Variants in SAP130 observed in about 807,000 individuals in gnomAD.
SAP130 encodes histone deacetylase complex subunit SAP130.
Under a neutral mutation model 103.2 loss-of-function variants are expected in SAP130, and 16 were observed. The observed-to-expected ratio is 0.16, with a 90% CI of 0.10 to 0.24. SAP130 has a LOEUF of 0.24. SAP130 is among the 10% of genes least tolerant of loss of function. The pLI, the probability that SAP130 is intolerant of heterozygous loss-of-function variation, is 1.00. For missense variants in SAP130, 990 were observed against 1,359.7 expected (o/e 0.73, Z 4.28); for synonymous variants, 477 against 497.0 (o/e 0.96, Z 0.53).
At chr2:127,968,929 C>T (rs1224844910) in intron 15 of SAP130, among the ~76,000 whole-genome samples, 3 of 152,218 alleles carry the variant, frequency 2.0e-5, no homozygotes, top group Admixed American at 6.5e-5. Context: ...TGAAATCTTT[C>T]AGTACAGCTA....
chr2:127,970,925 T>C (rs1286871630), intron 15 of SAP130, among the ~76,000 whole-genome samples: 1 of 152,078 alleles, frequency 6.6e-6, no homozygotes, highest in East Asian at 1.9e-4. Flanking sequence ...TATCACGATA[T>C]GCTCTGTATG....
chr2:127,966,661 C>T (rs1305296536), intron 15 of SAP130, among the ~76,000 whole-genome samples: 1 of 151,830 alleles, frequency 6.6e-6, no homozygotes, highest in Non-Finnish European at 1.5e-5. Flanking sequence ...TGAGACTGCG[C>T]CACTGCACTC....
chr2:128,009,194 A>G (rs947797916), intron 7 of SAP130, among the ~76,000 whole-genome samples: 6 of 152,160 alleles, frequency 3.9e-5, no homozygotes, highest in Admixed American at 3.9e-4. Context: ...ACCCAGGGCC[A>G]GGTGTGGTGG....
chr2:127,959,969 C>T (rs1381407228), intron 15 of SAP130, among the ~76,000 whole-genome samples: 2 of 152,164 alleles, frequency 1.3e-5, no homozygotes, highest in Non-Finnish European at 2.9e-5. Flanking sequence ...TTGAGCACTA[C>T]AGCCTCCAAC....
At chr2:127,945,432 A>C in intron 19 of SAP130, 24 bp downstream of exon 19, 2 of 1,414,074 alleles carry the variant, frequency 1.4e-6, no homozygotes, top group South Asian at 2.3e-5. Flanking sequence ...CAGCATGATG[A>C]ACAACTGCTA....
intron 2 of SAP130, among the ~76,000 whole-genome samples, chr2:128,019,228 G>A (rs895490781): frequency 1.3e-5 from 2 of 151,990 alleles, no homozygotes; most frequent in South Asian, 4.2e-4. Flanking sequence ...TTGGTGTTTT[G>A]GTCTACCAGA....
rs1018365286 is a variant in SAP130, at chr2:127,953,406, A to T, written c.2422+1580T>A. ...TCTCCCCGATTCCATCCCTGTTCCC[A>T]GAGTCTGTTCTTTCCCCAGCAGCCA... On this transcript the variant is annotated intron_variant, in intron 16 of 20. Transcript: ENST00000643581. This position sits in a 1 kb window ranked among gnomAD's most constrained non-coding sequence, Gnocchi z 4.0. Among the ~76,000 whole-genome samples the T allele has an allele frequency of 6.6e-6, 1 of 152,132 alleles. No individual in the cohort carries two copies. Among genetic ancestry groups the T allele is most frequent in the Non-Finnish European group, 1.5e-5 (1 of 68,012 alleles).
At chr2:128,012,922 A>G (rs1443899383) in intron 6 of SAP130, 108 bp downstream of exon 6, 1 of 1,105,916 alleles carries the variant, frequency 9.0e-7, no homozygotes, top group Non-Finnish European at 1.2e-6. Context: ...AAACTTCCCT[A>G]TGTCTTGGCA....
At position 127,999,806 on chromosome 2, in the gene SAP130, A is replaced by G; in HGVS notation, c.1148T>C (p.Val383Ala). 6.5e-7 allele frequency: 1 copy of G among 1,537,698 alleles called. No individual in the cohort carries two copies. Among genetic ancestry groups the G allele is most frequent in the Non-Finnish European group, 8.7e-7 (1 of 1,146,132 alleles). The change falls in exon 10 of 21, where the codon GTT (valine) becomes GCT (alanine). Residue 383 changes from valine (V) to alanine (A), a missense_variant. Val to Ala is a moderately conservative substitution (Grantham distance 64, BLOSUM62 0). Transcript: ENST00000643581. Reference sequence around the variant, plus strand: ...GGAATGGGAGGGTACTGTCATGGTAACAATGGTACTTGTGGGAGCTTGCGT... The same window carrying G: ...GGAATGGGAGGGTACTGTCATGGTAGCAATGGTACTTGTGGGAGCTTGCGT... ...SHTQAPTSTI[V>A]TMTVPSHSSH...
rs1683212351 is a variant in SAP130, at chr2:127,996,891, T to C, written c.1214-400A>G. On this transcript the variant is annotated intron_variant, in intron 10 of 20. Transcript: ENST00000643581. This position sits in a 1 kb window ranked among gnomAD's most constrained non-coding sequence, Gnocchi z 4.3. ...ATGACTGCACCACTATACTCCAGCC[T>C]CACTCACAGACTGGGACCCTGTCTC... is the stretch of plus-strand genomic sequence containing the variant. Among the ~76,000 whole-genome samples, 1 of 152,030 alleles carries C rather than the reference T, an allele frequency of 6.6e-6. No individual in the cohort carries two copies. The highest frequency in any genetic ancestry group is 2.4e-5 in the African/African-American group (1 of 41,376).
chr2:127,980,663 A>T (rs112168768), intron 14 of SAP130, among the ~76,000 whole-genome samples: 2 of 152,168 alleles, frequency 1.3e-5, no homozygotes, highest in African/African-American at 4.8e-5. Flanking sequence ...AAAAATTACA[A>T]TCAAGGCCAG....
At chr2:127,978,157 A>C in intron 14 of SAP130, 68 bp from the exon 15 acceptor site, 1 of 1,183,120 alleles carries the variant, frequency 8.5e-7, no homozygotes. Context: ...GAAATACAGG[A>C]TGCACATTTG....
chr2:127,975,728 T>A (rs1052943186), intron 15 of SAP130, among the ~76,000 whole-genome samples: 1 of 152,136 alleles, frequency 6.6e-6, no homozygotes, highest in African/African-American at 2.4e-5. Context: ...CTAACTGCCA[T>A]CACACAGAAA....
intron 1 of SAP130, chr2:128,027,272 C>T: frequency 2.6e-6 from 3 of 1,172,332 alleles, no homozygotes; most frequent in African/African-American, 3.2e-5. Flanking sequence ...GCCACCCGGC[C>T]GCCGCTGTGC....
intron 15 of SAP130, among the ~76,000 whole-genome samples, chr2:127,970,410 G>A (rs1680996315): frequency 6.6e-6 from 1 of 150,496 alleles, no homozygotes; most frequent in African/African-American, 2.4e-5. Flanking sequence ...GCATGGTGAT[G>A]CGTGCCTGTA....
chr2:127,945,700 T>C lies in SAP130; in HGVS notation c.2798-141A>G. On this transcript the variant is annotated intron_variant, in intron 18 of 20. Transcript: ENST00000643581. ...CAGTGTCTGGCTCTGTCACCCAGGCTGAAGTGCAGTGGTACAATCTCAGGT... is the reference window on the plus strand; with the variant it reads ...CAGTGTCTGGCTCTGTCACCCAGGCCGAAGTGCAGTGGTACAATCTCAGGT... 4 of 611,640 alleles carry C rather than the reference T, an allele frequency of 6.5e-6. No homozygotes were observed. In the South Asian group the frequency reaches 7.7e-5, roughly 12 times the overall value. The allele number at this position is 611,640 out of a possible 1,614,324, so 37.9% of individuals were successfully genotyped here.
chr2:127,954,331 G>A (rs1051109058), intron 16 of SAP130, among the ~76,000 whole-genome samples: 23 of 152,032 alleles, frequency 1.5e-4, no homozygotes, highest in African/African-American at 5.3e-4. Flanking sequence ...AGGTAATACT[G>A]GGTACCAGAG....
At chr2:128,026,366 G>C in intron 1 of SAP130, 68 bp from the exon 2 acceptor site, 1 of 1,135,592 alleles carries the variant, frequency 8.8e-7, no homozygotes, top group Non-Finnish European at 1.3e-6. Flanking sequence ...AGAAATTAAA[G>C]CATCTTTAGT....
At chr2:127,959,037 T>TG (rs1243728845) in intron 15 of SAP130, among the ~76,000 whole-genome samples, 1 of 152,174 alleles carries the variant, frequency 6.6e-6, no homozygotes, top group African/African-American at 2.4e-5. Context: ...TCAGGCATGA[T>TG]GGAGTAGACA....
Sources: allele counts gnomAD v4.1 joint callset (sites outside exome capture counted in the v4.1 genomes callset), GRCh38; gene constraint gnomAD v4.1.1; non-coding constraint Gnocchi (gnomAD v3.1); transcripts MANE v1.5; gene names NCBI Gene and HGNC (gene_info 2026-07-23, HGNC 2026-07-21).